The following MAML2 variants were observed in gnomAD, a reference collection of about 807,000 sequenced individuals.
MAML2 encodes the protein mastermind-like protein 2.
Under a neutral mutation model 96.1 loss-of-function variants are expected in MAML2, and 22 were observed. The observed-to-expected ratio is 0.23, with a 90% CI of 0.16 to 0.33. The LOEUF (loss-of-function observed/expected upper bound fraction) is 0.33, where lower values mean the gene tolerates loss of function less well. MAML2 is among the 10% of genes least tolerant of loss of function. The pLI is 1.00. For missense variants in MAML2, 1,367 were observed against 1,392.4 expected, an observed-to-expected ratio of 0.98 and a Z score of 0.29; for synonymous variants, 561 against 521.3, an observed-to-expected ratio of 1.08 and a Z score of -1.04.
chr11:96,145,726 G>A (rs1179194858), intron 1 of MAML2, among the ~76,000 whole-genome samples: 1 of 152,196 alleles, frequency 6.6e-6, no homozygotes, highest in Non-Finnish European at 1.5e-5. Context: ...TTGTATACTT[G>A]TTCGGGCGTG....
At chr11:96,124,971 G>A (rs751967726) in intron 1 of MAML2, among the ~76,000 whole-genome samples, 6 of 152,114 alleles carry the variant, frequency 3.9e-5, no homozygotes, top group Non-Finnish European at 5.9e-5. Flanking sequence ...AGTGATGGCC[G>A]CATTAATTGA....
At position 96,343,074 on chromosome 11, in the gene MAML2, T is replaced by C. The variant is rs1864022585; in HGVS notation, c.-1179A>G. ...AGATGGAAAAAAAAAGTAGCTTGTA[T>C]TTTCCTTTCTCTTTCTCGTCTGTTG... On this transcript the variant is annotated 5_prime_UTR_variant, in exon 1 of 5. Transcript: ENST00000524717. The C allele has an allele frequency of 5.0e-6, 2 of 398,414 alleles. No homozygotes were observed. Among genetic ancestry groups the C allele is most frequent in the Admixed American group, 8.8e-5 (2 of 22,718 alleles). The allele number at this position is 398,414 out of a possible 1,614,324, so 24.7% of individuals were successfully genotyped here.
chr11:96,324,416 C>T (rs548907787), intron 1 of MAML2, among the ~76,000 whole-genome samples: 2 of 152,222 alleles, frequency 1.3e-5, no homozygotes, highest in South Asian at 4.1e-4. Context: ...AAAAGGATGC[C>T]TTGAAGATCA....
intron 1 of MAML2, among the ~76,000 whole-genome samples, chr11:96,250,068 C>G (rs1222181546): frequency 6.6e-6 from 1 of 152,096 alleles, no homozygotes; most frequent in Non-Finnish European, 1.5e-5. Flanking sequence ...GTTATCCAGA[C>G]AGTTTCACGG....
chr11:96,214,618 T>C lies in MAML2; in HGVS notation c.514-121101A>G, dbSNP rs1862020979. On this transcript the variant is annotated intron_variant, in intron 1 of 4. Coordinates refer to ENST00000524717, the MANE Select transcript of MAML2 (RefSeq NM_032427.4). ...TAACCAAGAAAACTCCAGGAACTGATGCCATTATTTTCCTAATGAGAAGCA... is the reference window on the plus strand; with the variant it reads ...TAACCAAGAAAACTCCAGGAACTGACGCCATTATTTTCCTAATGAGAAGCA... Among the ~76,000 whole-genome samples, 2 of 152,180 alleles carry C rather than the reference T, an allele frequency of 1.3e-5. 1 individual carries two copies. Among genetic ancestry groups the C allele is most frequent in the South Asian group, 4.1e-4 (2 of 4,832 alleles).
In MAML2 at chr11:95,979,058, C is replaced by G; in HGVS notation, c.3361G>C (p.Ala1121Pro). 6.2e-7 allele frequency: 1 copy of G among 1,614,010 alleles called. No homozygotes were observed. Among genetic ancestry groups the G allele is most frequent in the Non-Finnish European group, 8.5e-7 (1 of 1,179,884 alleles). ...LSQQNDNMGP[A>P]LNSDADFIDS... Reference sequence around the variant, plus strand: ...ATGAAATCAGCATCACTGTTTAGGGCAGGGCCCATGTTATCATTTTGTTGG... The same window carrying G: ...ATGAAATCAGCATCACTGTTTAGGGGAGGGCCCATGTTATCATTTTGTTGG... The change falls in exon 5 of 5, where the codon GCC (alanine) becomes CCC (proline). Residue 1121 changes from alanine (A) to proline (P), a missense_variant. Physicochemically the swap from Ala to Pro is conservative, Grantham distance 27. Transcript: ENST00000524717.
intron 4 of MAML2, among the ~76,000 whole-genome samples, chr11:95,982,679 G>A (rs1157314413): frequency 6.6e-6 from 1 of 152,140 alleles, no homozygotes; most frequent in Non-Finnish European, 1.5e-5. Context: ...ATTCCAAAGG[G>A]CGCCCAGCTT....
intron 2 of MAML2, among the ~76,000 whole-genome samples, chr11:96,066,360 G>A (rs999737602): frequency 9.9e-5 from 15 of 152,250 alleles, no homozygotes; most frequent in Admixed American, 9.8e-4. Flanking sequence ...GAGGACAGAA[G>A]CTCCTGAAGC....
intron 1 of MAML2, among the ~76,000 whole-genome samples, chr11:96,210,360 C>T (rs900001615): frequency 2.0e-5 from 3 of 152,190 alleles, no homozygotes; most frequent in Non-Finnish European, 4.4e-5. Flanking sequence ...CTGCCCACCT[C>T]GGCCTCCCAA....
chr11:96,255,033 T>C (rs960113434), intron 1 of MAML2, among the ~76,000 whole-genome samples: 2 of 152,098 alleles, frequency 1.3e-5, no homozygotes, highest in Admixed American at 1.3e-4. Context: ...AAGTTGCCCA[T>C]GCTGGTCCGG....
intron 1 of MAML2, among the ~76,000 whole-genome samples, chr11:96,277,624 C>T (rs892972430): frequency 7.9e-5 from 12 of 151,326 alleles, no homozygotes; most frequent in South Asian, 2.1e-4. Flanking sequence ...TGGTAGCAAG[C>T]GCCTGTAATC....
At chr11:96,320,750 C>A (rs1188340238) in intron 1 of MAML2, among the ~76,000 whole-genome samples, 1 of 152,102 alleles carries the variant, frequency 6.6e-6, no homozygotes, top group Non-Finnish European at 1.5e-5. Context: ...GCATTTGTAG[C>A]AAATGAATGC....
chr11:96,273,901 T>A (rs1862947424), intron 1 of MAML2, among the ~76,000 whole-genome samples: 1 of 152,142 alleles, frequency 6.6e-6, no homozygotes, highest in Non-Finnish European at 1.5e-5. Context: ...TTTACTAAAC[T>A]CTTTGGATTG....
intron 2 of MAML2, among the ~76,000 whole-genome samples, chr11:96,030,006 G>A (rs1858586739): frequency 6.6e-6 from 1 of 152,092 alleles, no homozygotes; most frequent in South Asian, 2.1e-4. Flanking sequence ...GGCCAAGGTG[G>A]GTGGATCACG....
At chr11:96,034,456 A>AGAGT (rs766634690) in intron 2 of MAML2, among the ~76,000 whole-genome samples, 13,198 of 144,546 alleles carry the variant, frequency 0.091, 779 homozygotes, top group East Asian at 0.23. Flanking sequence ...AGAGAGAGAG[A>AGAGT]GTGTGTGTGT....
chr11:96,232,530 T>C (rs1310302811), intron 1 of MAML2, among the ~76,000 whole-genome samples: 3 of 151,966 alleles, frequency 2.0e-5, no homozygotes, highest in East Asian at 3.9e-4. Context: ...AGTGCAATGG[T>C]GCGATCTCGG....
chr11:96,038,588 C>T (rs1054054745), intron 2 of MAML2, among the ~76,000 whole-genome samples: 1 of 152,236 alleles, frequency 6.6e-6, no homozygotes, highest in African/African-American at 2.4e-5. Context: ...ATATACCAAG[C>T]TTGCTCTTAC....
In MAML2 at chr11:96,315,050, T is replaced by C. The variant is rs1162903523; in HGVS notation, c.513+26333A>G. 3.3e-5 allele frequency among the ~76,000 whole-genome samples: 5 copies of C among 152,376 alleles called. No individual in the cohort carries two copies. The East Asian group carries it at 9.6e-4, about 29-fold the overall frequency. ...AGTAGGCACTAGAAAGCTTCTGAGA[T>C]AGATAGTATGAGTTTCCTAATCTGA... On this transcript the variant is annotated intron_variant, in intron 1 of 4. Coordinates refer to ENST00000524717, the MANE Select transcript of MAML2 (RefSeq NM_032427.4).
In MAML2 at chr11:95,979,169, G is replaced by C. The variant is rs1431753368; in HGVS notation, c.3250C>G (p.Pro1084Ala). The change falls in exon 5 of 5, where the codon CCC becomes GCC. Residue 1084 changes from proline (P) to alanine (A), a missense_variant. Pro to Ala is a conservative substitution (Grantham distance 27). Transcript: ENST00000524717. The stretch of plus-strand genomic sequence containing the variant: ...TGGTTGGGTGAAGGAAAATTGCTGG[G>C]CGTCAGGGATGGTGGCTGGTTGATG... ...TGINQPPSLT[P>A]SNFPSPNQSS... 4 of 1,613,854 alleles carry C rather than the reference G, an allele frequency of 2.5e-6. No homozygotes were observed. The highest frequency in any genetic ancestry group is 1.7e-5 in the Admixed American group (1 of 60,000).
Sources: allele counts gnomAD v4.1 joint callset (sites outside exome capture counted in the v4.1 genomes callset), GRCh38; gene constraint gnomAD v4.1.1; transcripts MANE v1.5; gene names NCBI Gene and HGNC (gene_info 2026-07-23, HGNC 2026-07-21).